The following HEPHL1 variants were observed in gnomAD, a reference collection of about 807,000 sequenced individuals.
The protein encoded by HEPHL1 is ferroxidase HEPHL1.
A neutral mutation model predicts 122.0 loss-of-function variants in HEPHL1; 123 were observed. The ratio of observed to expected loss-of-function variants is 1.01; its 90% CI spans 0.87 to 1.17. The LOEUF (loss-of-function observed/expected upper bound fraction) is 1.17, where lower values mean the gene tolerates loss of function less well. Among genes scored for constraint, HEPHL1 ranks in the 50% most tolerant of loss-of-function variants. The pLI is 0.00. For synonymous variants in HEPHL1, 527 were observed against 508.9 expected, an observed-to-expected ratio of 1.04 and a Z score of -0.48; for missense variants, 1,452 against 1,430.5, an observed-to-expected ratio of 1.01 and a Z score of -0.24.
At chr11:94,071,958 T>C (rs1347752969) in intron 6 of HEPHL1, among the ~76,000 whole-genome samples, 2 of 151,916 alleles carry the variant, frequency 1.3e-5, no homozygotes, top group Non-Finnish European at 1.5e-5. Context: ...CATGGAGAAA[T>C]AGAGAATTGG....
chr11:94,037,742 A>G (rs950318166), intron 1 of HEPHL1, among the ~76,000 whole-genome samples: 1 of 151,918 alleles, frequency 6.6e-6, no homozygotes, highest in Admixed American at 6.5e-5. Context: ...TCAAAGACGA[A>G]AAGTAGATAA....
intron 2 of HEPHL1, among the ~76,000 whole-genome samples, chr11:94,062,813 T>A (rs1218086474): frequency 1.3e-5 from 2 of 152,142 alleles, no homozygotes; most frequent in Non-Finnish European, 2.9e-5. Context: ...AATTGAAAAA[T>A]CATGTGCCAT....
chr11:94,028,491 T>G (rs1591459214), intron 1 of HEPHL1, among the ~76,000 whole-genome samples: 2 of 152,260 alleles, frequency 1.3e-5, no homozygotes, highest in East Asian at 3.9e-4. Flanking sequence ...CTCCTCTGCT[T>G]TTGGAAGATA....
chr11:94,090,109 C>CT (rs148484314), intron 12 of HEPHL1, among the ~76,000 whole-genome samples: 3,210 of 148,790 alleles, frequency 0.022, 68 homozygotes, highest in African/African-American at 0.055. Context: ...CTTCTGGATA[C>CT]TTTTTTTTTT....
rs1013730591 is a variant in HEPHL1 at position 94,113,478 on chromosome 11, G to A, written c.*1584G>A. ...TAATAGTTCTGTTCATAGTTTGCTT[G>A]AATGTCATATCAAACAGCATACACA... On this transcript the variant is annotated 3_prime_UTR_variant, in exon 20 of 20. Coordinates refer to ENST00000315765, the MANE Select transcript of HEPHL1 (RefSeq NM_001098672.2). 5 of 152,206 alleles carry A rather than the reference G, an allele frequency of 3.3e-5. No individual in the cohort carries two copies. Among genetic ancestry groups the A allele is most frequent in the Non-Finnish European group, 4.4e-5 (3 of 68,032 alleles). 9.4% of individuals were successfully genotyped at this position (152,206 alleles called of 1,614,324 possible). A position where few individuals can be genotyped will look rare whatever the true frequency, so the allele number is the denominator to read the frequency against.
chr11:94,078,497 A>T (rs1829372), intron 9 of HEPHL1, among the ~76,000 whole-genome samples: 2 of 146,006 alleles, frequency 1.4e-5, no homozygotes, highest in East Asian at 2.0e-4. Context: ...ACACACAGAG[A>T]GATATTTATT....
rs1946451398 is a variant in HEPHL1, at chr11:94,111,693, A to G, written c.3279A>G (p.Glu1093=). 1 of 1,612,546 alleles carries G rather than the reference A, an allele frequency of 6.2e-7. No homozygotes were observed. Among genetic ancestry groups the G allele is most frequent in the Non-Finnish European group, 8.5e-7 (1 of 1,179,082 alleles). The change falls in exon 20 of 20, where the codon GAA becomes GAG. Residue 1093 remains glutamate, a splice_region_variant and synonymous_variant. Transcript: ENST00000315765. ...ASHPATVPSN[E]RPGKEQLYFF... ...CTGACAAGTTTATCTTTTTCACAGA[A>G]CGACCTGGCAAAGAGCAGCTCTATT... is the stretch of plus-strand genomic sequence containing the variant.
At chr11:94,091,810 G>A (rs1048115539) in intron 12 of HEPHL1, among the ~76,000 whole-genome samples, 6 of 152,146 alleles carry the variant, frequency 3.9e-5, no homozygotes, top group Non-Finnish European at 7.4e-5. Context: ...AAGCATGTTC[G>A]TGGCAGAGGG....
rs765044999 is a variant in HEPHL1 at position 94,070,396 on chromosome 11, T to C, written c.1086T>C (p.Asn362=). Residue 362 remains asparagine (N), a synonymous_variant, in exon 6 of 20, where the codon AAT becomes AAC. Transcript: ENST00000315765. ...HLQAGMLGQY[N]VDNCKSDIFY... The stretch of plus-strand genomic sequence containing the variant: ...CAGCTGGTATGCTGGGGCAATACAA[T>C]GTTGATAACTGCAAAAGTGATATTT... The C allele has an allele frequency of 1.3e-6, 2 of 1,599,200 alleles. No individual in the cohort carries two copies. The highest frequency in any genetic ancestry group is 1.1e-5 in the South Asian group (1 of 88,530).
intron 9 of HEPHL1, among the ~76,000 whole-genome samples, chr11:94,081,081 T>G (rs1221132539): frequency 6.6e-6 from 1 of 152,194 alleles, no homozygotes; most frequent in Non-Finnish European, 1.5e-5. Flanking sequence ...AAACAAATTG[T>G]GGTACACGTA....
intron 10 of HEPHL1, among the ~76,000 whole-genome samples, chr11:94,084,191 G>A (rs1001158547): frequency 6.6e-6 from 1 of 151,820 alleles, no homozygotes; most frequent in African/African-American, 2.4e-5. Flanking sequence ...AGGTATGGTG[G>A]TGTGCACCTG....
intron 5 of HEPHL1, among the ~76,000 whole-genome samples, chr11:94,068,113 C>T (rs187909138): frequency 5.9e-5 from 9 of 152,250 alleles, no homozygotes; most frequent in Admixed American, 3.9e-4. Flanking sequence ...AGAGGGGCTT[C>T]CTGAGGAGCT....
At chr11:94,023,954 T>C (rs1368487836) in intron 1 of HEPHL1, among the ~76,000 whole-genome samples, 1 of 152,298 alleles carries the variant, frequency 6.6e-6, no homozygotes, top group African/African-American at 2.4e-5. Context: ...AAGATATCCA[T>C]CCTGGGTGTA....
intron 13 of HEPHL1, among the ~76,000 whole-genome samples, chr11:94,094,669 T>G (rs2134447198): frequency 6.6e-6 from 1 of 152,352 alleles, no homozygotes; most frequent in Non-Finnish European, 1.5e-5. Flanking sequence ...TGTTGTTTCC[T>G]GACTTTTTAA....
intron 9 of HEPHL1, among the ~76,000 whole-genome samples, chr11:94,081,779 TA>T (rs776331931): frequency 2.6e-4 from 40 of 152,048 alleles, no homozygotes; most frequent in African/African-American, 8.9e-4. Flanking sequence ...AGGAAAAAGT[TA>T]AAAAAAATAA....
At chr11:94,070,262 A>G in intron 5 of HEPHL1, 112 bp from the exon 6 acceptor site, 5 of 1,062,864 alleles carry the variant, frequency 4.7e-6, no homozygotes, top group Non-Finnish European at 6.4e-6. Flanking sequence ...TTATGGTCCA[A>G]TTTTCTGTAC....
At chr11:94,089,003 G>A in intron 12 of HEPHL1, 35 bp downstream of exon 12, 1 of 1,583,366 alleles carries the variant, frequency 6.3e-7, no homozygotes, top group Non-Finnish European at 8.7e-7. Flanking sequence ...CTCCTCGGTG[G>A]GATCGCGCAT....
rs1168605756 is a variant in HEPHL1, at chr11:94,112,986, T to C, written c.*1092T>C. 2.0e-5 allele frequency: 3 copies of C among 152,128 alleles called. No homozygotes were observed. The highest frequency in any genetic ancestry group is 3.9e-4 in the East Asian group (2 of 5,180). 9.4% of individuals were successfully genotyped at this position (152,128 alleles called of 1,614,324 possible). A position where few individuals can be genotyped will look rare whatever the true frequency, so the allele number is the denominator to read the frequency against. On this transcript the variant is annotated 3_prime_UTR_variant, in exon 20 of 20. Transcript: ENST00000315765. ...TGGCTTTTAAAGACATACCTCTTCA[T>C]GGAAGGAGAAAAAAGGAAAAGGAAA...
chr11:94,050,455 G>A (rs939688686), intron 2 of HEPHL1, among the ~76,000 whole-genome samples: 15 of 152,062 alleles, frequency 9.9e-5, no homozygotes, highest in Admixed American at 5.9e-4. Flanking sequence ...TTAGGCATGA[G>A]GCTAGCTGTA....
Sources: gnomAD v4.1 joint callset for allele counts (sites outside exome capture counted in the v4.1 genomes callset) on GRCh38, gnomAD v4.1.1 for gene constraint, MANE v1.5 for transcripts, NCBI Gene and HGNC (gene_info 2026-07-23, HGNC 2026-07-21) for gene names.